CATSPERG: variants seen among roughly 807,000 people sequenced by gnomAD.
The protein encoded by CATSPERG is cation channel sperm-associated auxiliary subunit gamma.
Under a neutral mutation model 145.0 loss-of-function variants are expected in CATSPERG, and 115 were observed. The ratio of observed to expected loss-of-function variants is 0.79; its 90% CI spans 0.68 to 0.93. The LOEUF (loss-of-function observed/expected upper bound fraction) is 0.93. Among genes scored for constraint, CATSPERG ranks in the 40% least tolerant of loss-of-function variants. CATSPERG has a pLI of 0.00. For missense variants in CATSPERG, 1,296 were observed against 1,490.1 expected (o/e 0.87, Z 2.14); for synonymous variants, 588 against 589.0 (o/e 1.00, Z 0.02).
chr19:38,339,715 C>T (rs568353080), intron 3 of CATSPERG, among the ~76,000 whole-genome samples: 2 of 152,232 alleles, frequency 1.3e-5, no homozygotes, highest in South Asian at 4.2e-4. Context: ...TGAAGACTTA[C>T]TCATATTTTC....
chr19:38,362,067 G>T, intron 17 of CATSPERG, 143 bp from the exon 18 acceptor site: 1 of 1,036,842 alleles, frequency 9.6e-7, no homozygotes, highest in African/African-American at 1.6e-5. Context: ...TGAAAGCAGG[G>T]TTTGGGGATG....
chr19:38,353,696 CAAAAAA>C (rs34301376), intron 8 of CATSPERG, among the ~76,000 whole-genome samples: 11 of 60,340 alleles, frequency 1.8e-4, no homozygotes, highest in South Asian at 5.3e-4. Context: ...GATGCCATCT[CAAAAAA>C]AAAAAAAAAA....
chr19:38,358,452 A>G lies in CATSPERG; in HGVS notation c.1387A>G (p.Met463Val). The change falls in exon 13 of 29, where the codon ATG (methionine) becomes GTG (valine). Residue 463 changes from methionine (M) to valine (V), a missense_variant. Met to Val is a conservative substitution (Grantham distance 21). Coordinates refer to ENST00000409235, the MANE Select transcript of CATSPERG (RefSeq NM_021185.5). ...GTCAGCTCGAGGATTGGAGTTCCTG[A>G]TGATCCTAGGGACAGAGTCCTACAC... ...IPEARGLEFL[M>V]ILGTESYTST... The G allele has an allele frequency of 1.9e-6, 3 of 1,614,112 alleles. No individual in the cohort carries two copies. Among genetic ancestry groups the G allele is most frequent in the Non-Finnish European group, 2.5e-6 (3 of 1,180,004 alleles).
In CATSPERG at chr19:38,356,471, C is replaced by A; in HGVS notation, c.1136-13C>A. The A allele has an allele frequency of 6.2e-7, 1 of 1,613,712 alleles. No homozygotes were observed. Among genetic ancestry groups the A allele is most frequent in the East Asian group, 2.2e-5 (1 of 44,874 alleles). Reference sequence around the variant, plus strand: ...GGAGAGGGCCTGAACATGAACCCGACCTTGCTCTGCAGATGGCCAGGTGTC... The same window carrying A: ...GGAGAGGGCCTGAACATGAACCCGAACTTGCTCTGCAGATGGCCAGGTGTC... On this transcript the variant is annotated splice_polypyrimidine_tract_variant and intron_variant, in intron 9 of 28. Coordinates refer to ENST00000409235, the MANE Select transcript of CATSPERG (RefSeq NM_021185.5).
At position 38,367,837 on chromosome 19, in the gene CATSPERG, T is replaced by TCCAAG. The variant is rs1970480923; in HGVS notation, c.2930+69_2930+73dup. 2.0e-6 allele frequency: 3 copies of TCCAAG among 1,504,932 alleles called. No homozygotes were observed. In the South Asian group the frequency reaches 3.4e-5, roughly 17 times the overall value. The allele number at this position is 1,504,932 out of a possible 1,614,324, so 93.2% of individuals were successfully genotyped here. ...GCTTCCCCTGGAGGCCTTTCCCACT[T>TCCAAG]CCAAGCCAAGCCCACCTCGCAAGCC... On this transcript the variant is annotated intron_variant, in intron 25 of 28. Coordinates refer to ENST00000409235, the MANE Select transcript of CATSPERG (RefSeq NM_021185.5).
intron 25 of CATSPERG, 21 bp downstream of exon 25, chr19:38,367,797 C>T (rs372300783): frequency 1.6e-5 from 25 of 1,604,540 alleles, no homozygotes; most frequent in Non-Finnish European, 2.0e-5. Flanking sequence ...TGGGGTCCCA[C>T]GTGTAATCCA....
chr19:38,357,550 C>T (rs148703079), intron 11 of CATSPERG, among the ~76,000 whole-genome samples: 178 of 151,028 alleles, frequency 1.2e-3, no homozygotes, highest in African/African-American at 4.2e-3. Flanking sequence ...GGCGTGGTGG[C>T]TCGTGCTTAT....
chr19:38,337,340 T>C lies in CATSPERG; in HGVS notation c.106T>C (p.Trp36Arg). ...LAVLLASWRL[W>R]AIKDFQECTW... ...AGTGCTCCTGGCGTCGTGGAGGCTG[T>C]GGGCGATCAAGGATTTCCAGGAATG... Residue 36 changes from tryptophan (W) to arginine (R), a missense_variant, in exon 2 of 29, where the codon TGG becomes CGG. Trp to Arg is a moderately radical substitution (Grantham distance 101). Coordinates refer to ENST00000409235, the MANE Select transcript of CATSPERG (RefSeq NM_021185.5). 1 of 1,551,336 alleles carries C rather than the reference T, an allele frequency of 6.4e-7. No individual in the cohort carries two copies. The highest frequency in any genetic ancestry group is 8.7e-7 in the Non-Finnish European group (1 of 1,146,920).
At chr19:38,365,181 A>G (rs1970427189) in intron 22 of CATSPERG, 64 bp downstream of exon 22, 1 of 1,395,140 alleles carries the variant, frequency 7.2e-7, no homozygotes. Context: ...CAACAGGGCT[A>G]ATCCCCCTGA....
chr19:38,356,890 A>C, intron 11 of CATSPERG, 29 bp downstream of exon 11: 1 of 1,612,100 alleles, frequency 6.2e-7, no homozygotes, highest in Non-Finnish European at 8.5e-7. Context: ...GGGGCTGGGC[A>C]CAAAGGGGCA....
chr19:38,352,187 G>GCTTC, intron 7 of CATSPERG, 74 bp from the exon 8 acceptor site: 1 of 1,441,012 alleles, frequency 6.9e-7, no homozygotes, highest in Non-Finnish European at 9.4e-7. Flanking sequence ...CAGAGCAGGA[G>GCTTC]CTTCCCCGCA....
intron 8 of CATSPERG, among the ~76,000 whole-genome samples, chr19:38,353,769 G>T (rs558501978): frequency 2.1e-5 from 3 of 145,254 alleles, no homozygotes; most frequent in Non-Finnish European, 3.0e-5. Context: ...TTGGGAGGGC[G>T]GATCACGAGG....
At position 38,367,313 on chromosome 19, in the gene CATSPERG, G is replaced by A. The variant is rs1441756377; in HGVS notation, c.2770+1G>A. On this transcript the variant is annotated splice_donor_variant, in intron 23 of 28. Coordinates refer to ENST00000409235, the MANE Select transcript of CATSPERG (RefSeq NM_021185.5). LOFTEE classifies it high-confidence loss of function. Reference sequence around the variant, plus strand: ...ATGCCCTGCTTTCTCTTCCGGGACAGTGTGTGTCCAGTCCCTTCCCCTGCA... The same window carrying A: ...ATGCCCTGCTTTCTCTTCCGGGACAATGTGTGTCCAGTCCCTTCCCCTGCA... The A allele has an allele frequency of 1.9e-6, 3 of 1,610,238 alleles. No individual in the cohort carries two copies. Among genetic ancestry groups the A allele is most frequent in the Non-Finnish European group, 2.5e-6 (3 of 1,179,236 alleles).
chr19:38,364,345 G>A (rs1007214896), intron 20 of CATSPERG, among the ~76,000 whole-genome samples: 4 of 151,620 alleles, frequency 2.6e-5, no homozygotes, highest in African/African-American at 9.7e-5. Flanking sequence ...GGACAGAGGC[G>A]CTCCTCACAT....
rs1300613857 is a variant in CATSPERG, at chr19:38,364,476, G to A, written c.2476-415G>A. 3.3e-5 allele frequency among the ~76,000 whole-genome samples: 5 copies of A among 152,186 alleles called. No individual in the cohort carries two copies. The South Asian group carries it at 6.2e-4, about 19-fold the overall frequency. ...CAGAGGGGCTCCTCACGTCCCAGAC[G>A]ATGGGCAGCCAGGCAGAGACACTCC... On this transcript the variant is annotated intron_variant, in intron 20 of 28. Coordinates refer to ENST00000409235, the MANE Select transcript of CATSPERG (RefSeq NM_021185.5).
At chr19:38,339,579 C>T (rs542139954) in intron 3 of CATSPERG, among the ~76,000 whole-genome samples, 5 of 152,226 alleles carry the variant, frequency 3.3e-5, no homozygotes, top group Non-Finnish European at 7.4e-5. Flanking sequence ...GATTCTCCTG[C>T]CTCAGCCTCC....
intron 1 of CATSPERG, chr19:38,336,407 A>G: frequency 2.8e-6 from 1 of 352,350 alleles, no homozygotes; most frequent in Non-Finnish European, 5.7e-6. Flanking sequence ...GAACCCGGGG[A>G]AGGAACGGGT....
chr19:38,337,050 G>GGAGCAAGAGCAGGGGCGGGACCAA, intron 1 of CATSPERG, 171 bp from the exon 2 acceptor site: 1 of 771,664 alleles, frequency 1.3e-6, no homozygotes. Flanking sequence ...GGCAGGGCCA[G>GGAGCAAGAGCAGGGGCGGGACCAA]GAGCAAGAGC....
At chr19:38,352,131 G>A (rs1173019737) in intron 7 of CATSPERG, 130 bp from the exon 8 acceptor site, 1 of 874,624 alleles carries the variant, frequency 1.1e-6, no homozygotes, top group Non-Finnish European at 1.8e-6. Context: ...GGGTGAGCAG[G>A]GAGAGCGCCC....
Sources: allele counts gnomAD v4.1 joint callset (sites outside exome capture counted in the v4.1 genomes callset), GRCh38; gene constraint gnomAD v4.1.1; transcripts MANE v1.5; gene names NCBI Gene and HGNC (gene_info 2026-07-23, HGNC 2026-07-21).